The following ADCK1 variants were observed in gnomAD, a reference collection of about 807,000 sequenced individuals.
ADCK1 encodes aarF domain containing kinase 1, also known as aarF domain-containing protein kinase 1.
Under a neutral mutation model 52.3 loss-of-function variants are expected in ADCK1, and 41 were observed. That is an observed-to-expected ratio of 0.78 (90% CI 0.61 to 1.02). The LOEUF is 1.02. ADCK1 is among the 50% of genes least tolerant of loss of function. The pLI, the probability that ADCK1 is intolerant of heterozygous loss-of-function variation, is 0.00. For synonymous variants in ADCK1, 250 were observed against 274.6 expected (o/e 0.91, Z 0.89); for missense variants, 658 against 679.5 (o/e 0.97, Z 0.35).
chr14:77,895,289 A>G (rs770112478), intron 5 of ADCK1, among the ~76,000 whole-genome samples: 22 of 152,238 alleles, frequency 1.4e-4, no homozygotes, highest in Non-Finnish European at 2.8e-4. Context: ...TTCAGAAGTT[A>G]TGGCTCTTTC....
chr14:77,908,819 G>T (rs2083725930), intron 7 of ADCK1, among the ~76,000 whole-genome samples: 1 of 152,226 alleles, frequency 6.6e-6, no homozygotes, highest in Non-Finnish European at 1.5e-5. Flanking sequence ...ATCTCAGGCA[G>T]CGAGAGGGTG....
At chr14:77,813,238 G>A (rs1395130184) in intron 1 of ADCK1, among the ~76,000 whole-genome samples, 3 of 151,750 alleles carry the variant, frequency 2.0e-5, no homozygotes, top group Non-Finnish European at 1.5e-5. Context: ...CCGACCTCAG[G>A]TGATCCACCT....
chr14:77,905,996 G>C (rs1434268813), intron 6 of ADCK1, among the ~76,000 whole-genome samples: 5 of 152,174 alleles, frequency 3.3e-5, no homozygotes, highest in Non-Finnish European at 5.9e-5. Context: ...ATAACACCTT[G>C]CTTTCTGGTG....
intron 7 of ADCK1, 51 bp from the exon 8 acceptor site, chr14:77,924,406 C>T (rs374829479): frequency 2.2e-5 from 36 of 1,600,262 alleles, no homozygotes; most frequent in Admixed American, 1.2e-4. Context: ...AGAGGTCCCT[C>T]GGATAGATGT....
chr14:77,826,939 C>A (rs1407212810), intron 3 of ADCK1, among the ~76,000 whole-genome samples: 1 of 152,156 alleles, frequency 6.6e-6, no homozygotes, highest in Non-Finnish European at 1.5e-5. Flanking sequence ...CTGGGAAGAG[C>A]AGCTCTCTCT....
chr14:77,849,862 T>A (rs2082247185), intron 3 of ADCK1, among the ~76,000 whole-genome samples: 1 of 152,234 alleles, frequency 6.6e-6, no homozygotes, highest in Non-Finnish European at 1.5e-5. Context: ...CTTTTAAATT[T>A]ACTGAGATCT....
intron 1 of ADCK1, among the ~76,000 whole-genome samples, chr14:77,809,053 G>T (rs888659435): frequency 4.6e-5 from 7 of 152,188 alleles, no homozygotes; most frequent in African/African-American, 1.7e-4. Flanking sequence ...GGATAATGAG[G>T]GATTGAGTGT....
intron 4 of ADCK1, 42 bp from the exon 5 acceptor site, chr14:77,887,048 TG>T (rs2083170804): frequency 6.6e-7 from 1 of 1,504,064 alleles, no homozygotes; most frequent in East Asian, 2.4e-5. Context: ...CTCACTGAAC[TG>T]GGTCATCTTT....
chr14:77,891,735 C>T (rs184564148), intron 5 of ADCK1, among the ~76,000 whole-genome samples: 9 of 152,244 alleles, frequency 5.9e-5, no homozygotes, highest in African/African-American at 2.2e-4. Flanking sequence ...GGCCTGAGGC[C>T]ACCACCCCAT....
intron 3 of ADCK1, among the ~76,000 whole-genome samples, chr14:77,837,393 C>T (rs1488425354): frequency 6.6e-6 from 1 of 152,166 alleles, no homozygotes; most frequent in African/African-American, 2.4e-5. Context: ...CTGCCTCAGC[C>T]TACCAAAGTG....
chr14:77,897,170 G>A (rs2083428787), intron 5 of ADCK1, among the ~76,000 whole-genome samples: 1 of 152,184 alleles, frequency 6.6e-6, no homozygotes, highest in Non-Finnish European at 1.5e-5. Flanking sequence ...CTATAGCCAG[G>A]GTTAGAGATG....
intron 7 of ADCK1, among the ~76,000 whole-genome samples, chr14:77,911,401 T>C (rs1018524192): frequency 3.7e-4 from 56 of 152,190 alleles, no homozygotes; most frequent in African/African-American, 9.7e-5. Context: ...ACCCAATACC[T>C]TGGGCTGCTG....
intron 4 of ADCK1, among the ~76,000 whole-genome samples, chr14:77,862,244 C>A (rs942315543): frequency 6.6e-6 from 1 of 152,178 alleles, no homozygotes; most frequent in Non-Finnish European, 1.5e-5. Context: ...CAATCAGGAG[C>A]CCAGCCTCTG....
chr14:77,933,058 T>C (rs908972206), intron 10 of ADCK1, among the ~76,000 whole-genome samples, 162 bp from the exon 11 acceptor site: 4 of 152,210 alleles, frequency 2.6e-5, no homozygotes, highest in South Asian at 2.1e-4. Flanking sequence ...TGGCTCCCGA[T>C]TGGGTAGTGG....
At chr14:77,819,431 A>G (rs2081535324) in intron 2 of ADCK1, among the ~76,000 whole-genome samples, 2 of 152,190 alleles carry the variant, frequency 1.3e-5, no homozygotes, top group Admixed American at 6.5e-5. Context: ...TATTTTAACA[A>G]CACACCAAGA....
chr14:77,894,936 A>G (rs1247764377), intron 5 of ADCK1, among the ~76,000 whole-genome samples: 2 of 151,898 alleles, frequency 1.3e-5, no homozygotes, highest in Non-Finnish European at 2.9e-5. Flanking sequence ...TATTTTTAGT[A>G]GAGATGGGGT....
At chr14:77,859,420 A>G in intron 4 of ADCK1, 141 bp downstream of exon 4, 1 of 819,970 alleles carries the variant, frequency 1.2e-6, no homozygotes, top group Non-Finnish European at 1.9e-6. Context: ...TCAGTGCTGA[A>G]ATCAAAGAGG....
intron 1 of ADCK1, among the ~76,000 whole-genome samples, chr14:77,817,367 C>T (rs75058955): frequency 0.065 from 9,872 of 152,272 alleles, 359 homozygotes; most frequent in Middle Eastern, 0.092. Context: ...GGGTACAAGG[C>T]GTGCAAGGCT....
intron 9 of ADCK1, among the ~76,000 whole-genome samples, chr14:77,930,441 G>A (rs944264842): frequency 1.3e-5 from 2 of 152,130 alleles, no homozygotes; most frequent in African/African-American, 4.8e-5. Flanking sequence ...TCCCAGTGCT[G>A]CTGGGAGGCG....
Sources: allele counts gnomAD v4.1 joint callset (sites outside exome capture counted in the v4.1 genomes callset), GRCh38; gene constraint gnomAD v4.1.1; transcripts MANE v1.5; gene names NCBI Gene and HGNC (gene_info 2026-07-23, HGNC 2026-07-21).